Variants in OSBPL9 observed in about 807,000 individuals in gnomAD.
OSBPL9 encodes the protein oxysterol binding protein like 9.
Under a neutral mutation model 106.6 loss-of-function variants are expected in OSBPL9, and 40 were observed. The observed-to-expected ratio is 0.38, with a 90% CI of 0.29 to 0.49. The LOEUF (loss-of-function observed/expected upper bound fraction) is 0.49. Ranked by LOEUF, OSBPL9 falls within the 20% of genes least tolerant of loss-of-function variation. The pLI is 0.97. For missense variants in OSBPL9, 609 were observed against 887.2 expected, an observed-to-expected ratio of 0.69 and a Z score of 3.98; for synonymous variants, 269 against 295.4, an observed-to-expected ratio of 0.91 and a Z score of 0.92.
chr1:51,713,959 A>G (rs182329501), intron 3 of OSBPL9, 44 bp from the exon 4 acceptor site: 1 of 1,421,580 alleles, frequency 7.0e-7, no homozygotes, highest in Admixed American at 1.9e-5. Flanking sequence ...GAGATATATT[A>G]TAGAATTAAA....
the OSBPL9 span, among the ~76,000 whole-genome samples, chr1:51,559,972 C>T: frequency 6.6e-6 from 1 of 152,198 alleles, no homozygotes; most frequent in African/African-American, 2.4e-5. Context: ...TTCTTCTGAA[C>T]CCTTCCCCAC....
the OSBPL9 span, among the ~76,000 whole-genome samples, chr1:51,553,654 CAACATAGCAAGATCCCATCTCT>C: frequency 6.6e-6 from 1 of 151,936 alleles, no homozygotes; most frequent in Non-Finnish European, 1.5e-5. Context: ...CCAGCCTGGG[CAACATAGCAAGATCCCATCTCT>C]AAAAAAAAAT....
intron 6 of OSBPL9, among the ~76,000 whole-genome samples, 187 bp from the exon 7 acceptor site, chr1:51,748,181 AT>A (rs1308800643): frequency 2.5e-4 from 38 of 152,342 alleles, no homozygotes; most frequent in African/African-American, 8.4e-4. Context: ...AAAGTCTGGA[AT>A]TTTTATACAA....
At chr1:51,548,965 C>T in the OSBPL9 span, among the ~76,000 whole-genome samples, 2 of 152,166 alleles carry the variant, frequency 1.3e-5, no homozygotes, top group African/African-American at 2.4e-5. Flanking sequence ...CCATCCACAC[C>T]AGTCCTCCAG....
intron 4 of OSBPL9, among the ~76,000 whole-genome samples, chr1:51,714,330 A>G (rs940226089): frequency 1.1e-4 from 16 of 152,312 alleles, no homozygotes; most frequent in East Asian, 3.9e-4. Flanking sequence ...GTGAAATTCT[A>G]TGTTAAAATA....
chr1:51,636,082 A>ATGTG (rs35392929), intron 1 of OSBPL9, among the ~76,000 whole-genome samples: 9,174 of 139,688 alleles, frequency 0.066, 804 homozygotes, highest in African/African-American at 0.2. Context: ...ATGTATGTAT[A>ATGTG]TGTGTGTGTG....
chr1:51,655,205 G>A (rs893514115), intron 2 of OSBPL9, among the ~76,000 whole-genome samples: 1 of 152,134 alleles, frequency 6.6e-6, no homozygotes, highest in African/African-American at 2.4e-5. Context: ...GAGTTGGCTG[G>A]ACTGGGCCCT....
At chr1:51,603,848 C>T (rs1448485527) in intron 2 of OSBPL9, among the ~76,000 whole-genome samples, 2 of 151,980 alleles carry the variant, frequency 1.3e-5, no homozygotes, top group African/African-American at 2.4e-5. Context: ...GGTAGTAAGA[C>T]AGAAGTGAAG....
chr1:51,674,566 C>A (rs762175636), intron 3 of OSBPL9, among the ~76,000 whole-genome samples: 6 of 152,146 alleles, frequency 3.9e-5, no homozygotes, highest in Non-Finnish European at 7.3e-5. Flanking sequence ...GATTTGTGAT[C>A]GTCAGCATAC....
In OSBPL9 at chr1:51,617,220, C is replaced by T; in HGVS notation, c.110C>T (p.Thr37Met). The T allele has an allele frequency of 6.2e-7, 1 of 1,609,752 alleles. No homozygotes were observed. The highest frequency in any genetic ancestry group is 8.5e-7 in the Non-Finnish European group (1 of 1,177,920). The change falls in exon 1 of 24, where the codon ACG becomes ATG. Residue 37 changes from threonine to methionine, a missense_variant and splice_region_variant. This residue lies in a region of OSBPL9 where 72 missense variants were observed against 140.5 expected (regional missense o/e 0.51). Transcript: ENST00000428468. ...DYNAGLLSYYTSKDKMMRGSR... is the reference protein window; with the variant it reads ...DYNAGLLSYYMSKDKMMRGSR... Reference sequence around the variant, plus strand: ...AATGCAGGACTGCTCTCCTACTACACGGTGAGTCCTTGGAGGGCACAGCTC... The same window carrying T: ...AATGCAGGACTGCTCTCCTACTACATGGTGAGTCCTTGGAGGGCACAGCTC...
chr1:51,542,382 G>A, the OSBPL9 span, among the ~76,000 whole-genome samples: 1 of 152,100 alleles, frequency 6.6e-6, no homozygotes, highest in Non-Finnish European at 1.5e-5. Context: ...CCCACGCAAG[G>A]TCTCCTTTCA....
intron 4 of OSBPL9, among the ~76,000 whole-genome samples, chr1:51,727,690 A>G (rs12094568): frequency 1.1e-3 from 163 of 152,346 alleles, no homozygotes; most frequent in African/African-American, 3.6e-3. Context: ...CATGTAAATT[A>G]TGACTCTATA....
At chr1:51,532,282 G>A in the OSBPL9 span, among the ~76,000 whole-genome samples, 3 of 152,260 alleles carry the variant, frequency 2.0e-5, no homozygotes, top group African/African-American at 7.2e-5. Context: ...CTTTTCTTAA[G>A]GTGAGCAATA....
At chr1:51,764,902 C>A (rs1047395075) in intron 11 of OSBPL9, among the ~76,000 whole-genome samples, 1 of 152,160 alleles carries the variant, frequency 6.6e-6, no homozygotes, top group Non-Finnish European at 1.5e-5. Context: ...ATTTTTATTG[C>A]TGTCTTCAAT....
intron 12 of OSBPL9, among the ~76,000 whole-genome samples, chr1:51,771,185 T>C (rs576042555): frequency 6.6e-6 from 1 of 152,350 alleles, no homozygotes; most frequent in African/African-American, 2.4e-5. Context: ...GGGCAAATTA[T>C]GATTAGATTA....
At chr1:51,536,095 C>G in the OSBPL9 span, among the ~76,000 whole-genome samples, 3 of 152,082 alleles carry the variant, frequency 2.0e-5, no homozygotes, top group South Asian at 6.2e-4. Context: ...AGGACATTCT[C>G]TTATATACCT....
chr1:51,785,814 A>G lies in OSBPL9; in HGVS notation c.1836A>G (p.Pro612=). The G allele has an allele frequency of 6.2e-7, 1 of 1,609,842 alleles. No individual in the cohort carries two copies. The highest frequency in any genetic ancestry group is 2.2e-5 in the East Asian group (1 of 44,796). ...KHRITAEIFS[P]NDKKSFCSIE... ...TATTTCCTTTTCTGTTCAGTTCTCC[A>G]AATGACAAGAAGTCTTTTTGCTCAA... is the stretch of plus-strand genomic sequence containing the variant. The change falls in exon 21 of 24, where the codon CCA becomes CCG. Residue 612 remains proline, a synonymous_variant. Transcript: ENST00000428468.
At chr1:51,753,383 A>G (rs1025230739) in intron 8 of OSBPL9, among the ~76,000 whole-genome samples, 6 of 152,300 alleles carry the variant, frequency 3.9e-5, no homozygotes, top group Admixed American at 2.0e-4. Context: ...ATTATTTGTG[A>G]TGCTCTTGGT....
chr1:51,637,536 C>A (rs1245172297), intron 1 of OSBPL9, among the ~76,000 whole-genome samples: 1 of 152,102 alleles, frequency 6.6e-6, no homozygotes, highest in Non-Finnish European at 1.5e-5. Flanking sequence ...ATCATAAGAT[C>A]ATTGTGAGAA....
Sources: allele counts gnomAD v4.1 joint callset (sites outside exome capture counted in the v4.1 genomes callset), GRCh38; gene constraint gnomAD v4.1.1; regional missense constraint gnomAD v4.1.1; transcripts MANE v1.5; gene names NCBI Gene and HGNC (gene_info 2026-07-23, HGNC 2026-07-21).